The following SMYD4 variants were observed in gnomAD, a reference collection of about 807,000 sequenced individuals.
The protein encoded by SMYD4 is SET and MYND domain containing 4.
A neutral mutation model predicts 72.8 loss-of-function variants in SMYD4; 68 were observed. The observed-to-expected ratio is 0.93, with a 90% CI of 0.77 to 1.14. The LOEUF (loss-of-function observed/expected upper bound fraction) is 1.14. Among genes scored for constraint, SMYD4 ranks in the 50% most tolerant of loss-of-function variants. SMYD4 has a pLI of 0.00. For missense variants in SMYD4, 984 were observed against 1,003.7 expected (o/e 0.98, Z 0.27); for synonymous variants, 407 against 388.6 (o/e 1.05, Z -0.56).
chr17:1,783,803 T>C (rs942448521), intron 8 of SMYD4: 58 of 380,250 alleles, frequency 1.5e-4, no homozygotes, highest in African/African-American at 4.4e-4. Flanking sequence ...TCAACTTTCA[T>C]AAAGCAGGGT....
chr17:1,790,855 G>A lies in SMYD4; in HGVS notation c.1538-3251C>T, dbSNP rs141357941. Among the ~76,000 whole-genome samples, 255 of 151,588 alleles carry A rather than the reference G, an allele frequency of 1.7e-3. 2 individuals carry two copies. Among genetic ancestry groups the A allele is most frequent in the African/African-American group, 4.9e-3 (204 of 41,362 alleles). On this transcript the variant is annotated intron_variant, in intron 5 of 10. Coordinates refer to ENST00000305513, the MANE Select transcript of SMYD4 (RefSeq NM_052928.3). The stretch of plus-strand genomic sequence containing the variant: ...AAGAAAAAAGATTCATGCCGGGCGC[G>A]GTGGCTCACGCCTGTAATCCCAGCA...
In SMYD4 at chr17:1,812,944, A is replaced by ATC. The variant is rs34141085; in HGVS notation, c.135-830_135-829insGA. ...TCCCTCGGATCATACATCATAAAAGATTTTTTTTTTTTGAGACAGAGTTTC... is the reference window on the plus strand; with the variant it reads ...TCCCTCGGATCATACATCATAAAAGATCTTTTTTTTTTTTGAGACAGAGTTTC... On this transcript the variant is annotated intron_variant, in intron 2 of 10. Coordinates refer to ENST00000305513, the MANE Select transcript of SMYD4 (RefSeq NM_052928.3). 8.1e-5 allele frequency among the ~76,000 whole-genome samples: 12 copies of ATC among 148,062 alleles called. 1 individual carries two copies. Among genetic ancestry groups the ATC allele is most frequent in the Non-Finnish European group, 1.3e-4 (9 of 67,064 alleles).
chr17:1,827,841 T>C lies in SMYD4; in HGVS notation c.134+20A>G, dbSNP rs1305562496. ...CATTTTTTGGCTCACAATTCCCTTGTTAAAGCTTGATTTACTTACTGAAGA... is the reference window on the plus strand; with the variant it reads ...CATTTTTTGGCTCACAATTCCCTTGCTAAAGCTTGATTTACTTACTGAAGA... On this transcript the variant is annotated intron_variant, in intron 2 of 10. Coordinates refer to ENST00000305513, the MANE Select transcript of SMYD4 (RefSeq NM_052928.3). 1.3e-6 allele frequency: 2 copies of C among 1,587,950 alleles called. No individual in the cohort carries two copies. The highest frequency in any genetic ancestry group is 2.7e-5 in the African/African-American group (2 of 74,616).
chr17:1,784,223 C>T, intron 8 of SMYD4, 103 bp downstream of exon 8: 1 of 1,515,450 alleles, frequency 6.6e-7, no homozygotes, highest in Non-Finnish European at 9.0e-7. Context: ...GGGATAATTA[C>T]ATCCAATTCT....
rs1161341843 is a variant in SMYD4 at position 1,800,637 on chromosome 17, T to C, written c.757A>G (p.Ile253Val). The change falls in exon 5 of 11, where the codon ATT becomes GTT. Residue 253 changes from isoleucine to valine, a missense_variant. Coordinates refer to ENST00000305513, the MANE Select transcript of SMYD4 (RefSeq NM_052928.3). ...TGCACCAGGAGCTCTCCTGGGAGAA[T>C]ATCTTTTGTGGCAACGAGACAGCGA... is the stretch of plus-strand genomic sequence containing the variant. The part of the protein sequence containing the change: ...KGRCLVATKD[I>V]LPGELLVQED... 2 of 1,614,026 alleles carry C rather than the reference T, an allele frequency of 1.2e-6. No individual in the cohort carries two copies. The highest frequency in any genetic ancestry group is 1.3e-5 in the African/African-American group (1 of 74,912).
intron 2 of SMYD4, among the ~76,000 whole-genome samples, chr17:1,826,314 G>A (rs544399283): frequency 1.6e-4 from 25 of 152,040 alleles, no homozygotes; most frequent in Admixed American, 7.2e-4. Context: ...CCAACATGGC[G>A]AAACTCCATC....
chr17:1,797,820 G>T (rs1909485676), intron 5 of SMYD4, among the ~76,000 whole-genome samples: 2 of 151,966 alleles, frequency 1.3e-5, no homozygotes, highest in Non-Finnish European at 2.9e-5. Context: ...TGGCCAACAT[G>T]GTAAAACCCC....
chr17:1,817,434 C>T (rs996275527), intron 2 of SMYD4, among the ~76,000 whole-genome samples: 8 of 152,098 alleles, frequency 5.3e-5, no homozygotes, highest in Non-Finnish European at 8.8e-5. Context: ...ACTGACCTCC[C>T]AGGCTCAAGT....
At chr17:1,805,745 G>A (rs959387827) in intron 3 of SMYD4, among the ~76,000 whole-genome samples, 1 of 151,768 alleles carries the variant, frequency 6.6e-6, no homozygotes, top group African/African-American at 2.4e-5. Context: ...TCAGGAAGCA[G>A]AGGTTGCAGG....
In SMYD4 at chr17:1,787,420, A is replaced by C; in HGVS notation, c.1720+2T>G. The C allele has an allele frequency of 6.4e-7, 1 of 1,554,430 alleles. No homozygotes were observed. Among genetic ancestry groups the C allele is most frequent in the South Asian group, 1.2e-5 (1 of 84,212 alleles). On this transcript the variant is annotated splice_donor_variant, in intron 6 of 10. Transcript: ENST00000305513. LOFTEE classifies it high-confidence loss of function. ...GGATGGCAGTGCGGAGGGATGGCTC[A>C]CCATAGCAGTGGAGAATCTCTTGCC...
chr17:1,807,012 T>C (rs978518188), intron 3 of SMYD4, among the ~76,000 whole-genome samples: 16 of 151,812 alleles, frequency 1.1e-4, no homozygotes, highest in South Asian at 2.1e-4. Context: ...AGCCTCAGCC[T>C]CCCAAGTAGC....
chr17:1,789,899 A>C (rs2151223334), intron 5 of SMYD4, among the ~76,000 whole-genome samples: 1 of 152,306 alleles, frequency 6.6e-6, no homozygotes, highest in East Asian at 1.9e-4. Flanking sequence ...AGGGAATCCA[A>C]ATGACTCAAT....
At chr17:1,808,724 C>T (rs1186643999) in intron 3 of SMYD4, among the ~76,000 whole-genome samples, 4 of 152,102 alleles carry the variant, frequency 2.6e-5, no homozygotes, top group Non-Finnish European at 5.9e-5. Flanking sequence ...TCCCTGTTTT[C>T]CTTGAAGAAC....
At chr17:1,785,763 C>CAAAAAAAAAAAAA (rs1355052619) in intron 7 of SMYD4, among the ~76,000 whole-genome samples, 15 of 42,096 alleles carry the variant, frequency 3.6e-4, no homozygotes, top group African/African-American at 1.6e-3. Context: ...GACCCCATCT[C>CAAAAAAAAAAAAA]AAAAAAAAAA....
intron 5 of SMYD4, among the ~76,000 whole-genome samples, chr17:1,788,854 T>C (rs1908851116): frequency 6.6e-6 from 1 of 152,200 alleles, no homozygotes; most frequent in Admixed American, 6.5e-5. Context: ...TGTGCTGGCT[T>C]TTCTCAAAGC....
chr17:1,784,490 A>G (rs1597364834), intron 7 of SMYD4, 29 bp from the exon 8 acceptor site: 1 of 1,613,326 alleles, frequency 6.2e-7, no homozygotes. Context: ...TCTTTATTCC[A>G]ATGCCAGGGT....
At position 1,800,084 on chromosome 17, in the gene SMYD4, G is replaced by A. The variant is rs773619285; in HGVS notation, c.1310C>T (p.Pro437Leu). 6.8e-6 allele frequency: 11 copies of A among 1,611,672 alleles called. No individual in the cohort carries two copies. The Admixed American group carries it at 8.4e-5, about 12-fold the overall frequency. The change falls in exon 5 of 11, where the codon CCA (proline) becomes CTA (leucine). Residue 437 changes from proline (P) to leucine (L), a missense_variant. Physicochemically the swap from Pro to Leu is moderately conservative, Grantham distance 98. Coordinates refer to ENST00000305513, the MANE Select transcript of SMYD4 (RefSeq NM_052928.3). ...NLLPHTENHS[P>L]EHKFLCALCV... Reference sequence around the variant, plus strand: ...GAGAGCACAGAGGAATTTGTGCTCTGGGCTATGGTTTTCAGTGTGGGGCAA... The same window carrying A: ...GAGAGCACAGAGGAATTTGTGCTCTAGGCTATGGTTTTCAGTGTGGGGCAA...
chr17:1,800,061 G>T lies in SMYD4; in HGVS notation c.1333C>A (p.Leu445Ile). The change falls in exon 5 of 11, where the codon CTC becomes ATC. Residue 445 changes from leucine to isoleucine, a missense_variant. Physicochemically the swap from Leu to Ile is conservative, Grantham distance 5 (BLOSUM62 2). Coordinates refer to ENST00000305513, the MANE Select transcript of SMYD4 (RefSeq NM_052928.3). ...TGTCTGCACAGTGCAGAAACACAGA[G>T]AGCACAGAGGAATTTGTGCTCTGGG... ...HSPEHKFLCALCVSALCRQLE... is the reference protein window; with the variant it reads ...HSPEHKFLCAICVSALCRQLE... The T allele has an allele frequency of 6.2e-7, 1 of 1,612,760 alleles. No individual in the cohort carries two copies. Among genetic ancestry groups the T allele is most frequent in the Non-Finnish European group, 8.5e-7 (1 of 1,179,008 alleles).
At chr17:1,805,970 C>A (rs1217860477) in intron 3 of SMYD4, among the ~76,000 whole-genome samples, 1 of 149,154 alleles carries the variant, frequency 6.7e-6, no homozygotes, top group Non-Finnish European at 1.5e-5. Flanking sequence ...GTCGCCCAGG[C>A]TGGAGTGCAG....
Sources: gnomAD v4.1 joint callset for allele counts (sites outside exome capture counted in the v4.1 genomes callset) on GRCh38, gnomAD v4.1.1 for gene constraint, MANE v1.5 for transcripts, NCBI Gene and HGNC (gene_info 2026-07-23, HGNC 2026-07-21) for gene names.